Variants in CXorf66 observed in about 807,000 individuals in gnomAD.
The protein encoded by CXorf66 is chromosome X open reading frame 66, also known as uncharacterized protein CXorf66.
A neutral mutation model predicts 5.0 loss-of-function variants in CXorf66; 6 were observed. The ratio of observed to expected loss-of-function variants is 1.20; its 90% confidence interval spans 0.65 to 2.36. The LOEUF (loss-of-function observed/expected upper bound fraction) is 2.36. CXorf66 is among the 30% of genes most tolerant of loss of function. CXorf66 has a pLI of 0.00. For synonymous variants in CXorf66, 98 were observed against 102.8 expected, an observed-to-expected ratio of 0.95 and a Z score of 0.28; for missense variants, 270 against 254.9, an observed-to-expected ratio of 1.06 and a Z score of -0.40.
At chrX:139,960,997 T>A (rs1284117222) in intron 1 of CXorf66, among the ~76,000 whole-genome samples, 1 of 111,485 alleles carries the variant, frequency 9.0e-6, no homozygotes, top group Non-Finnish European at 1.9e-5. Flanking sequence ...TAAAGATCAA[T>A]GACACTATGA....
chrX:139,956,533 T>G lies in CXorf66; in HGVS notation c.449A>C (p.Asn150Thr). 4.1e-6 allele frequency: 5 copies of G among 1,211,543 alleles called. No individual in the cohort carries two copies. Among genetic ancestry groups the G allele is most frequent in the Non-Finnish European group, 5.6e-6 (5 of 895,404 alleles). The change falls in exon 3 of 3, where the codon AAC becomes ACC. Residue 150 changes from asparagine to threonine, a missense_variant. Transcript: ENST00000370540. ...TGGCCTAGTTAACTTTCCTGCACTG[T>G]TTGGTATGGATGGCTTTTGTAGACT... ...PSSLQKPSIP[N>T]SAGKLTRPSY...
Position 139,956,722 on chromosome X carries a change from ATGCCTT to A in CXorf66, c.254_259del (p.Lys85_Gly86del). The stretch of plus-strand genomic sequence containing the variant: ...TGATGTTTTAGATGACTTGGCTGCT[ATGCCTT>A]TTTTCTTGACCCTGAAAGTATAGAA... On this transcript the variant is annotated inframe_deletion, in exon 3 of 3. Coordinates refer to ENST00000370540, the MANE Select transcript of CXorf66 (RefSeq NM_001013403.3). 1.7e-6 allele frequency: 2 copies of A among 1,207,273 alleles called. No homozygotes were observed. The highest frequency in any genetic ancestry group is 2.2e-6 in the Non-Finnish European group (2 of 893,133).
chrX:139,955,856 G>A lies in CXorf66; in HGVS notation c.*40C>T, dbSNP rs181545760. On this transcript the variant is annotated 3_prime_UTR_variant, in exon 3 of 3. Transcript: ENST00000370540. ...GATGAGCATAAAATAGTTGGTATAA[G>A]TTTGCTCTTTCACACTTGGATTTTA... The A allele has an allele frequency of 4.1e-4, 468 of 1,137,231 alleles. 3 individuals are homozygous for A. The African/African-American group carries it at 7.3e-3, about 18-fold the overall frequency. 93.7% of individuals were successfully genotyped at this position (1,137,231 alleles called of 1,213,427 possible). A position where few individuals can be genotyped will look rare whatever the true frequency, so the allele number is the denominator to read the frequency against.
chrX:139,961,974 G>T (rs2085594901), intron 1 of CXorf66, among the ~76,000 whole-genome samples: 1 of 111,697 alleles, frequency 9.0e-6, no homozygotes, highest in Middle Eastern at 4.2e-3. Context: ...AAGCAGAAAA[G>T]ATCTGAAATT....
At position 139,956,064 on chromosome X, in the gene CXorf66, A is replaced by G. The variant is rs772971789; in HGVS notation, c.918T>C (p.Ser306=). 1 of 1,211,069 alleles carries G rather than the reference A, an allele frequency of 8.3e-7. No homozygotes were observed. Among genetic ancestry groups the G allele is most frequent in the Admixed American group, 2.2e-5 (1 of 46,015 alleles). Residue 306 remains serine (S), a synonymous_variant, in exon 3 of 3, where the codon TCT becomes TCC. Coordinates refer to ENST00000370540, the MANE Select transcript of CXorf66 (RefSeq NM_001013403.3). ...NLHVSSKVKS[S]SRSFRKLDSR... is the part of the protein sequence containing the mutation. ...AATCTAACTTACGAAAGGACCTGGAAGAGGACTTGACTTTGCTTGAAACAT... is the reference window on the plus strand; with the variant it reads ...AATCTAACTTACGAAAGGACCTGGAGGAGGACTTGACTTTGCTTGAAACAT...
At chrX:139,963,917 A>G (rs768289193) in intron 1 of CXorf66, among the ~76,000 whole-genome samples, 23 of 112,232 alleles carry the variant, frequency 2.0e-4, no homozygotes, top group African/African-American at 6.8e-4. Flanking sequence ...TTAACTCAAG[A>G]TGGATTAAAG....
intron 1 of CXorf66, 39 bp from the exon 2 acceptor site, chrX:139,958,256 AC>A (rs1306024421): frequency 9.6e-7 from 1 of 1,046,121 alleles, no homozygotes; most frequent in African/African-American, 1.9e-5. Context: ...GTGTTAAGTA[AC>A]CAAGTTTTTT....
At chrX:139,962,082 T>TGAAG (rs761228529) in intron 1 of CXorf66, among the ~76,000 whole-genome samples, 45 of 111,132 alleles carry the variant, frequency 4.0e-4, no homozygotes, top group Middle Eastern at 9.3e-3. Flanking sequence ...AGAGCAGAAC[T>TGAAG]GAAGGAGATA....
Position 139,956,008 on chromosome X carries a change from T to G in CXorf66, c.974A>C (p.Asn325Thr). 8.3e-7 allele frequency: 1 copy of G among 1,211,297 alleles called. No homozygotes were observed. The highest frequency in any genetic ancestry group is 1.1e-6 in the Non-Finnish European group (1 of 895,080). Reference protein sequence around the residue: ...SRNNAYGDHVNDSDTMKYYSE... With the variant: ...SRNNAYGDHVTDSDTMKYYSE... ...ATAATATTTCATCGTATCACTGTCA[T>G]TCACATGATCACCGTATGCATTGTT... Residue 325 changes from asparagine (N) to threonine (T), a missense_variant, in exon 3 of 3, where the codon AAT becomes ACT. Coordinates refer to ENST00000370540, the MANE Select transcript of CXorf66 (RefSeq NM_001013403.3).
In CXorf66 at chrX:139,956,067, GGACTT is replaced by G; in HGVS notation, c.910_914del (p.Lys304LeufsTer7). 1 of 1,210,960 alleles carries G rather than the reference GGACTT, an allele frequency of 8.3e-7. No individual in the cohort carries two copies. The highest frequency in any genetic ancestry group is 1.7e-5 in the African/African-American group (1 of 57,856). On this transcript the variant is annotated frameshift_variant, in exon 3 of 3. Transcript: ENST00000370540. LOFTEE classifies it low-confidence loss of function (END_TRUNC). ...CTAACTTACGAAAGGACCTGGAAGAGGACTTGACTTTGCTTGAAACATGTAGGTTT... is the reference window on the plus strand; with the variant it reads ...CTAACTTACGAAAGGACCTGGAAGAGGACTTTGCTTGAAACATGTAGGTTT...
chrX:139,964,499 T>A (rs1267434553), intron 1 of CXorf66, among the ~76,000 whole-genome samples: 2 of 111,666 alleles, frequency 1.8e-5, no homozygotes, highest in East Asian at 2.8e-4. Context: ...TGGAAGACAG[T>A]GTGGCAATCC....
At chrX:139,957,374 CAA>C (rs1421507786) in intron 2 of CXorf66, among the ~76,000 whole-genome samples, 4 of 110,209 alleles carry the variant, frequency 3.6e-5, no homozygotes, top group African/African-American at 1.3e-4. Context: ...CACACACACA[CAA>C]AGAGAAAGAG....
intron 1 of CXorf66, among the ~76,000 whole-genome samples, chrX:139,963,094 C>T (rs780702546): frequency 9.1e-6 from 1 of 109,934 alleles, no homozygotes; most frequent in Non-Finnish European, 1.9e-5. Context: ...GAAATAAAAG[C>T]GTATTCAAAT....
chrX:139,958,774 C>G (rs1480910017), intron 1 of CXorf66, among the ~76,000 whole-genome samples: 4 of 111,630 alleles, frequency 3.6e-5, no homozygotes, highest in African/African-American at 1.3e-4. Context: ...GGGTGCAGCC[C>G]AAGGAGGGCG....
Position 139,955,833 on chromosome X carries a change from T to G in CXorf66, c.*63A>C. ...CCTCTACTGGTTTCTTAAGGGATGATGAGCATAAAATAGTTGGTATAAGTT... is the reference window on the plus strand; with the variant it reads ...CCTCTACTGGTTTCTTAAGGGATGAGGAGCATAAAATAGTTGGTATAAGTT... On this transcript the variant is annotated 3_prime_UTR_variant, in exon 3 of 3. Transcript: ENST00000370540. The G allele has an allele frequency of 9.4e-7, 1 of 1,061,469 alleles. No individual in the cohort carries two copies. The highest frequency in any genetic ancestry group is 1.3e-6 in the Non-Finnish European group (1 of 798,391). 87.5% of individuals were successfully genotyped at this position (1,061,469 alleles called of 1,213,427 possible).
At chrX:139,959,838 T>C (rs192844051) in intron 1 of CXorf66, among the ~76,000 whole-genome samples, 40 of 111,735 alleles carry the variant, frequency 3.6e-4, no homozygotes, top group African/African-American at 1.3e-3. Context: ...GGGGCCTGAT[T>C]GTTAGAAGAA....
chrX:139,961,371 G>C (rs757531770), intron 1 of CXorf66, among the ~76,000 whole-genome samples: 69 of 111,953 alleles, frequency 6.2e-4, no homozygotes, highest in African/African-American at 2.1e-3. Flanking sequence ...AATGCAACAA[G>C]AAGAGCCAAC....
intron 1 of CXorf66, among the ~76,000 whole-genome samples, chrX:139,960,516 T>A (rs955576037): frequency 9.9e-5 from 11 of 110,963 alleles, no homozygotes; most frequent in African/African-American, 3.6e-4. Context: ...CAGGATATTA[T>A]CCAGGAGAAC....
chrX:139,957,793 A>G (rs776810432), intron 2 of CXorf66, among the ~76,000 whole-genome samples: 18 of 111,887 alleles, frequency 1.6e-4, no homozygotes, highest in Non-Finnish European at 2.6e-4. Flanking sequence ...TTGGATATTC[A>G]TGCCCTCTTT....
Sources: allele counts gnomAD v4.1 joint callset (sites outside exome capture counted in the v4.1 genomes callset), GRCh38; gene constraint gnomAD v4.1.1; transcripts MANE v1.5; gene names NCBI Gene and HGNC (gene_info 2026-07-23, HGNC 2026-07-21).